The following RPP30 variants were observed in gnomAD, a reference collection of about 807,000 sequenced individuals.
RPP30 encodes the protein ribonuclease P protein subunit p30.
A neutral mutation model predicts 38.6 loss-of-function variants in RPP30; 36 were observed. The ratio of observed to expected loss-of-function variants is 0.93; its 90% CI spans 0.71 to 1.23. RPP30 has a LOEUF of 1.23. Among genes scored for constraint, RPP30 ranks in the 50% most tolerant of loss-of-function variants. RPP30 has a pLI of 0.00. For missense variants in RPP30, 321 were observed against 321.7 expected, an observed-to-expected ratio of 1.00 and a Z score of 0.02; for synonymous variants, 126 against 112.7, an observed-to-expected ratio of 1.12 and a Z score of -0.75.
At position 90,896,366 on chromosome 10, in the gene RPP30, A is replaced by G. The variant is rs757345207; in HGVS notation, c.671A>G (p.Asn224Ser). 20 of 1,614,016 alleles carry G rather than the reference A, an allele frequency of 1.2e-5. No homozygotes were observed. The highest frequency in any genetic ancestry group is 2.7e-5 in the African/African-American group (2 of 74,944). The part of the protein sequence containing the change: ...ESDAKAAVST[N>S]CRAALLHGET... ...GACGCCAAGGCTGCGGTGTCCACCAACTGCCGAGCAGCGCTTCTCCATGGA... is the reference window on the plus strand; with the variant it reads ...GACGCCAAGGCTGCGGTGTCCACCAGCTGCCGAGCAGCGCTTCTCCATGGA... Residue 224 changes from asparagine (N) to serine (S), a missense_variant, in exon 10 of 11, where the codon AAC (asparagine) becomes AGC (serine). Asn to Ser is a conservative substitution (Grantham distance 46). Coordinates refer to ENST00000371703, the MANE Select transcript of RPP30 (RefSeq NM_006413.5).
chr10:90,875,230 T>C (rs572972687), intron 2 of RPP30, among the ~76,000 whole-genome samples: 1 of 145,136 alleles, frequency 6.9e-6, no homozygotes, highest in South Asian at 2.2e-4. Context: ...CTTTTTATTC[T>C]ATTGTCATGG....
chr10:90,907,855 C>G (rs1847269784), downstream of RPP30, among the ~76,000 whole-genome samples: 1 of 152,178 alleles, frequency 6.6e-6, no homozygotes, highest in Non-Finnish European at 1.5e-5. Context: ...GCACTTACTG[C>G]CTCACTTAAC....
chr10:90,896,219 A>G, intron 9 of RPP30, 94 bp from the exon 10 acceptor site: 1 of 1,080,878 alleles, frequency 9.3e-7, no homozygotes, highest in South Asian at 1.3e-5. Context: ...TTAGCCTCTC[A>G]AGATGACCAG....
chr10:90,906,855 A>G (rs1847258815), downstream of RPP30, among the ~76,000 whole-genome samples: 1 of 152,232 alleles, frequency 6.6e-6, no homozygotes, highest in Non-Finnish European at 1.5e-5. Context: ...CTGAAGAGCA[A>G]ACACAAAATG....
downstream of RPP30, among the ~76,000 whole-genome samples, chr10:90,904,161 C>T (rs1275495485): frequency 6.6e-6 from 1 of 152,126 alleles, no homozygotes; most frequent in African/African-American, 2.4e-5. Flanking sequence ...AACTCTAGTA[C>T]TGTAATTAAA....
At chr10:90,874,764 C>T (rs1846828650) in intron 1 of RPP30, 105 bp from the exon 2 acceptor site, 7 of 632,298 alleles carry the variant, frequency 1.1e-5, no homozygotes, top group Non-Finnish European at 1.6e-5. Flanking sequence ...CATAACCACT[C>T]CTCAAATGTC....
intron 10 of RPP30, among the ~76,000 whole-genome samples, chr10:90,899,758 T>C (rs1847180545): frequency 6.6e-6 from 1 of 152,242 alleles, no homozygotes; most frequent in Non-Finnish European, 1.5e-5. Flanking sequence ...CCTCATTGCT[T>C]TAACCAGGCA....
intron 6 of RPP30, among the ~76,000 whole-genome samples, chr10:90,893,931 T>A (rs571047414): frequency 6.6e-6 from 1 of 152,314 alleles, no homozygotes; most frequent in Admixed American, 6.5e-5. Flanking sequence ...CTGAACAGTA[T>A]GGTGGTTAAT....
intron 6 of RPP30, among the ~76,000 whole-genome samples, chr10:90,889,378 C>T (rs1271249884): frequency 2.9e-5 from 4 of 139,282 alleles, no homozygotes; most frequent in African/African-American, 8.2e-5. Flanking sequence ...GGTGTGATCT[C>T]GGCTCACTGC....
At chr10:90,879,027 T>C in intron 4 of RPP30, 36 bp from the exon 5 acceptor site, 1 of 1,560,248 alleles carries the variant, frequency 6.4e-7, no homozygotes, top group Non-Finnish European at 8.8e-7. Context: ...GTATGGATTT[T>C]GTTATTGTAT....
intron 10 of RPP30, among the ~76,000 whole-genome samples, chr10:90,896,702 C>T (rs1847142772): frequency 6.6e-6 from 1 of 152,138 alleles, no homozygotes; most frequent in African/African-American, 2.4e-5. Context: ...ACCAGAAGGC[C>T]ATGCTTTCCC....
intron 10 of RPP30, among the ~76,000 whole-genome samples, chr10:90,899,167 A>T (rs1847174913): frequency 6.6e-6 from 1 of 152,358 alleles, no homozygotes; most frequent in East Asian, 1.9e-4. Context: ...TGGGTACAGA[A>T]TCAGTGACAT....
intron 6 of RPP30, among the ~76,000 whole-genome samples, chr10:90,888,360 A>C (rs1161232134): frequency 6.6e-6 from 1 of 152,210 alleles, no homozygotes; most frequent in Non-Finnish European, 1.5e-5. Context: ...CGACAGTGGT[A>C]AGATTCCCAG....
chr10:90,875,443 T>A, intron 2 of RPP30, 115 bp from the exon 3 acceptor site: 1 of 807,556 alleles, frequency 1.2e-6, no homozygotes. Flanking sequence ...GAAATCACCT[T>A]GCTTTCTTTT....
At chr10:90,872,116 C>T in intron 1 of RPP30, 48 bp downstream of exon 1, 1 of 1,454,766 alleles carries the variant, frequency 6.9e-7, no homozygotes, top group Non-Finnish European at 9.7e-7. Flanking sequence ...CCACCCAGAC[C>T]ATCGGGCCAC....
intron 5 of RPP30, 43 bp downstream of exon 5, chr10:90,879,177 T>C (rs890094751): frequency 2.7e-6 from 4 of 1,466,378 alleles, no homozygotes; most frequent in South Asian, 1.2e-5. Flanking sequence ...ATATATGTTA[T>C]ATAAGAAGTC....
At chr10:90,883,932 TCTTTTTTTCCTTTGTTCTCCC>T (rs1396572145) in intron 5 of RPP30, among the ~76,000 whole-genome samples, 1 of 152,182 alleles carries the variant, frequency 6.6e-6, no homozygotes, top group African/African-American at 2.4e-5. Flanking sequence ...ATTTACCTCG[TCTTTTTTTCCTTTGTTCTCCC>T]CTTTCTCCCT....
chr10:90,886,030 A>G, intron 6 of RPP30, 129 bp downstream of exon 6: 1 of 580,552 alleles, frequency 1.7e-6, no homozygotes, highest in Non-Finnish European at 2.9e-6. Flanking sequence ...GTTTTAGAAA[A>G]GAGAATTTTC....
intron 10 of RPP30, among the ~76,000 whole-genome samples, chr10:90,898,907 G>C (rs1847172656): frequency 6.6e-6 from 1 of 152,144 alleles, no homozygotes. Context: ...GAACCTGTTG[G>C]GGACACCTGC....
Sources: gnomAD v4.1 joint callset for allele counts (sites outside exome capture counted in the v4.1 genomes callset) on GRCh38, gnomAD v4.1.1 for gene constraint, MANE v1.5 for transcripts, NCBI Gene and HGNC (gene_info 2026-07-23, HGNC 2026-07-21) for gene names.